ZNF804A: variants seen among roughly 807,000 people sequenced by gnomAD.
ZNF804A encodes zinc finger protein 804A.
Under a neutral mutation model 16.5 loss-of-function variants are expected in ZNF804A, and 2 were observed. The observed-to-expected ratio is 0.12, with a 90% CI of 0.05 to 0.38. ZNF804A has a LOEUF of 0.38. Ranked by LOEUF, ZNF804A falls within the 10% of genes least tolerant of loss-of-function variation. ZNF804A has a pLI of 0.99. For synonymous variants in ZNF804A, 534 were observed against 489.6 expected (o/e 1.09, Z -1.20); for missense variants, 1,473 against 1,390.7 (o/e 1.06, Z -0.94).
intron 1 of ZNF804A, among the ~76,000 whole-genome samples, chr2:184,759,231 A>T (rs1231016967): frequency 1.3e-5 from 2 of 151,668 alleles, no homozygotes; most frequent in African/African-American, 4.8e-5. Context: ...AAAAATATGG[A>T]CACCTATCTT....
intron 2 of ZNF804A, among the ~76,000 whole-genome samples, chr2:184,867,860 T>C: frequency 6.6e-6 from 1 of 152,106 alleles, no homozygotes; most frequent in Non-Finnish European, 1.5e-5. Flanking sequence ...CCTATGTATC[T>C]AAAAGCCTGA....
rs150548041 is a variant in ZNF804A at position 184,660,823 on chromosome 2, G to A, written c.111+61753G>A. 6.3e-3 allele frequency among the ~76,000 whole-genome samples: 965 copies of A among 152,346 alleles called. 17 individuals carry two copies. Among genetic ancestry groups the A allele is most frequent in the African/African-American group, 0.022 (923 of 41,584 alleles). ...TGAATAAAGTCACAAAGCATGGTGCGTTGCACCTAGTGAGTTCTCAGTAGA... is the reference window on the plus strand; with the variant it reads ...TGAATAAAGTCACAAAGCATGGTGCATTGCACCTAGTGAGTTCTCAGTAGA... On this transcript the variant is annotated intron_variant, in intron 1 of 3. Coordinates refer to ENST00000302277, the MANE Select transcript of ZNF804A (RefSeq NM_194250.2).
chr2:184,904,050 A>T (rs1013035442), intron 2 of ZNF804A, among the ~76,000 whole-genome samples: 2 of 152,058 alleles, frequency 1.3e-5, no homozygotes, highest in Non-Finnish European at 2.9e-5. Context: ...AACATATAAA[A>T]ATTAGTTGTG....
chr2:184,708,771 A>G (rs978090186), intron 1 of ZNF804A, among the ~76,000 whole-genome samples: 1 of 152,142 alleles, frequency 6.6e-6, no homozygotes, highest in Non-Finnish European at 1.5e-5. Flanking sequence ...ATCTCTGTCC[A>G]TTGAATAAAA....
intron 1 of ZNF804A, among the ~76,000 whole-genome samples, chr2:184,829,923 C>A (rs112908521): frequency 0.068 from 4,302 of 63,674 alleles, 196 homozygotes; most frequent in African/African-American, 0.13. Context: ...AAAAAAAAAA[C>A]AAAAACAAAA....
chr2:184,688,134 A>C (rs1692667992), intron 1 of ZNF804A, among the ~76,000 whole-genome samples: 1 of 152,108 alleles, frequency 6.6e-6, no homozygotes, highest in Admixed American at 6.5e-5. Flanking sequence ...AAAAACAAAA[A>C]CAAAACAGAA....
chr2:184,625,234 T>C (rs2105682666), intron 1 of ZNF804A, among the ~76,000 whole-genome samples: 1 of 152,288 alleles, frequency 6.6e-6, no homozygotes, highest in African/African-American at 2.4e-5. Context: ...GATATAATTT[T>C]AAATGTTATG....
At chr2:184,652,603 C>G (rs1204627418) in intron 1 of ZNF804A, among the ~76,000 whole-genome samples, 1 of 152,000 alleles carries the variant, frequency 6.6e-6, no homozygotes, top group African/African-American at 2.4e-5. Flanking sequence ...AGAAAGAGAG[C>G]TCTTTGTTTT....
intron 1 of ZNF804A, among the ~76,000 whole-genome samples, chr2:184,831,474 G>A (rs1489681964): frequency 2.0e-5 from 3 of 151,940 alleles, no homozygotes; most frequent in Middle Eastern, 3.4e-3. Context: ...CTTAAATATT[G>A]GAAACTTTAG....
At chr2:184,601,706 C>T (rs896485619) in intron 1 of ZNF804A, among the ~76,000 whole-genome samples, 4 of 151,590 alleles carry the variant, frequency 2.6e-5, no homozygotes, top group African/African-American at 7.3e-5. Flanking sequence ...TATTTTGAAT[C>T]GTGTACCAAG....
Position 184,718,135 on chromosome 2 carries a change from C to T in ZNF804A, c.111+119065C>T, listed in dbSNP as rs1028402523. On this transcript the variant is annotated intron_variant, in intron 1 of 3. Transcript: ENST00000302277. ...CATAATCATGGTGGATGGCAAAAGG[C>T]AAGTCTCACATGGCAGCAGACAAGA... is the stretch of plus-strand genomic sequence containing the variant. 2.6e-5 allele frequency among the ~76,000 whole-genome samples: 4 copies of T among 152,156 alleles called. No individual in the cohort carries two copies. The South Asian group carries it at 6.2e-4, about 24-fold the overall frequency.
intron 1 of ZNF804A, among the ~76,000 whole-genome samples, chr2:184,675,615 A>G (rs935445289): frequency 1.3e-5 from 2 of 151,784 alleles, no homozygotes; most frequent in Non-Finnish European, 1.5e-5. Context: ...TTTTATTTCT[A>G]TTAACTCACT....
intron 1 of ZNF804A, among the ~76,000 whole-genome samples, chr2:184,859,125 C>A (rs1695751193): frequency 6.6e-6 from 1 of 152,104 alleles, no homozygotes; most frequent in East Asian, 1.9e-4. Context: ...AGATCTTTGA[C>A]CTTCCTGTAC....
intron 1 of ZNF804A, among the ~76,000 whole-genome samples, chr2:184,627,819 C>G (rs567257854): frequency 6.6e-6 from 1 of 152,248 alleles, no homozygotes; most frequent in African/African-American, 2.4e-5. Flanking sequence ...GAATCGAAGT[C>G]TTGAGAACTG....
intron 1 of ZNF804A, among the ~76,000 whole-genome samples, chr2:184,785,082 A>G (rs1319750138): frequency 6.6e-6 from 1 of 151,964 alleles, no homozygotes; most frequent in Non-Finnish European, 1.5e-5. Context: ...ATAAAAATCC[A>G]TGTGGCATTG....
At chr2:184,774,657 C>G (rs929854352) in intron 1 of ZNF804A, among the ~76,000 whole-genome samples, 3 of 151,646 alleles carry the variant, frequency 2.0e-5, no homozygotes, top group African/African-American at 7.3e-5. Flanking sequence ...GTTGATGAAG[C>G]TTTTTGAAGA....
chr2:184,873,965 T>C (rs1696014666), intron 2 of ZNF804A, among the ~76,000 whole-genome samples: 1 of 152,182 alleles, frequency 6.6e-6, no homozygotes, highest in Admixed American at 6.5e-5. Context: ...ATGTTAATTC[T>C]AATAGGTATG....
chr2:184,614,529 C>T (rs551269423), intron 1 of ZNF804A, among the ~76,000 whole-genome samples: 2 of 152,184 alleles, frequency 1.3e-5, no homozygotes, highest in African/African-American at 4.8e-5. Context: ...TTTATACAAT[C>T]TATCCATCTG....
chr2:184,723,005 A>G (rs1315732599), intron 1 of ZNF804A, among the ~76,000 whole-genome samples: 2 of 151,972 alleles, frequency 1.3e-5, no homozygotes, highest in Non-Finnish European at 2.9e-5. Context: ...TACTGTGAAG[A>G]CACCATCTGG....
Sources: allele counts gnomAD v4.1 joint callset (sites outside exome capture counted in the v4.1 genomes callset), GRCh38; gene constraint gnomAD v4.1.1; transcripts MANE v1.5; gene names NCBI Gene and HGNC (gene_info 2026-07-23, HGNC 2026-07-21).